IGSF11: variants seen among roughly 807,000 people sequenced by gnomAD.
IGSF11 encodes the protein immunoglobulin superfamily member 11.
In IGSF11, 22 loss-of-function variants were observed where a neutral mutation model predicts 41.0. The observed-to-expected ratio is 0.54, with a 90% confidence interval of 0.38 to 0.77. The LOEUF (loss-of-function observed/expected upper bound fraction) is 0.77. Ranked by LOEUF, IGSF11 falls within the 30% of genes least tolerant of loss-of-function variation. The pLI is 0.00. For missense variants in IGSF11, 444 were observed against 530.8 expected, an observed-to-expected ratio of 0.84 and a Z score of 1.61; for synonymous variants, 219 against 201.3, an observed-to-expected ratio of 1.09 and a Z score of -0.74.
At chr3:118,913,178 T>C (rs987696523) in intron 4 of IGSF11, among the ~76,000 whole-genome samples, 3 of 146,782 alleles carry the variant, frequency 2.0e-5, no homozygotes, top group Non-Finnish European at 3.0e-5. Flanking sequence ...AAGCAAAGGA[T>C]TAAAAAAACA....
intron 4 of IGSF11, among the ~76,000 whole-genome samples, chr3:118,924,983 T>C (rs962538687): frequency 9.2e-5 from 14 of 152,188 alleles, no homozygotes; most frequent in Admixed American, 9.2e-4. Flanking sequence ...TGACAAATCA[T>C]TCCACAAAAG....
At chr3:119,085,256 C>T (rs1329646219) in intron 1 of IGSF11, among the ~76,000 whole-genome samples, 1 of 152,158 alleles carries the variant, frequency 6.6e-6, no homozygotes, top group Non-Finnish European at 1.5e-5. Context: ...CAAGCATCAC[C>T]TACTGGATTG....
chr3:119,076,418 A>G (rs896069352), intron 1 of IGSF11, among the ~76,000 whole-genome samples: 4 of 152,230 alleles, frequency 2.6e-5, no homozygotes, highest in African/African-American at 9.6e-5. Context: ...AATGGGATCT[A>G]ATTAAGCTAA....
In IGSF11 at chr3:118,901,833, A is replaced by T. The variant is rs1938900613; in HGVS notation, c.*687T>A. On this transcript the variant is annotated 3_prime_UTR_variant, in exon 7 of 7. Coordinates refer to ENST00000393775, the MANE Select transcript of IGSF11 (RefSeq NM_001015887.3). Reference sequence around the variant, plus strand: ...TTGCCATGGACCTGTAACAGATCCTAGAATAACACAGACAGGCAAGAATCT... The same window carrying T: ...TTGCCATGGACCTGTAACAGATCCTTGAATAACACAGACAGGCAAGAATCT... 1 of 152,184 alleles carries T rather than the reference A, an allele frequency of 6.6e-6. No individual in the cohort carries two copies. The highest frequency in any genetic ancestry group is 1.5e-5 in the Non-Finnish European group (1 of 68,028). The allele number at this position is 152,184 out of a possible 1,614,324, so 9.4% of individuals were successfully genotyped here.
At chr3:118,985,561 C>T (rs1297737434) in intron 1 of IGSF11, among the ~76,000 whole-genome samples, 1 of 152,178 alleles carries the variant, frequency 6.6e-6, no homozygotes, top group East Asian at 1.9e-4. Flanking sequence ...AGAACAAATT[C>T]AATTTGTCTG....
intron 1 of IGSF11, among the ~76,000 whole-genome samples, chr3:119,103,218 C>G (rs1284460189): frequency 6.6e-6 from 1 of 152,202 alleles, no homozygotes; most frequent in Middle Eastern, 3.4e-3. Context: ...AGGATGGTCT[C>G]GATCTCCTGA....
At chr3:118,975,521 A>C (rs533250639) in intron 1 of IGSF11, among the ~76,000 whole-genome samples, 2 of 152,330 alleles carry the variant, frequency 1.3e-5, no homozygotes, top group Non-Finnish European at 2.9e-5. Flanking sequence ...GTCTCTATCC[A>C]AAACACTGTT....
chr3:118,996,314 C>T (rs1394837980), intron 1 of IGSF11, among the ~76,000 whole-genome samples: 1 of 152,206 alleles, frequency 6.6e-6, no homozygotes, highest in East Asian at 1.9e-4. Context: ...CTGGTAGCTA[C>T]TCCCACACAT....
At chr3:119,078,658 A>ATG (rs2076540767) in intron 1 of IGSF11, among the ~76,000 whole-genome samples, 1 of 152,196 alleles carries the variant, frequency 6.6e-6, no homozygotes, top group African/African-American at 2.4e-5. Context: ...AGGCCCTGGC[A>ATG]AAGATTTCAT....
At chr3:119,081,228 A>C (rs994200195) in intron 1 of IGSF11, among the ~76,000 whole-genome samples, 1 of 150,588 alleles carries the variant, frequency 6.6e-6, no homozygotes, top group Non-Finnish European at 1.5e-5. Flanking sequence ...GCTCATTTTT[A>C]TTCTCCTATT....
chr3:118,905,743 G>A (rs1939508069), intron 4 of IGSF11, 25 bp from the exon 5 acceptor site: 3 of 1,612,988 alleles, frequency 1.9e-6, no homozygotes, highest in Admixed American at 1.7e-5. Flanking sequence ...ATAACCGAGT[G>A]AGGATTTGGC....
chr3:119,063,254 T>G (rs1196318960), intron 1 of IGSF11, among the ~76,000 whole-genome samples: 1 of 152,156 alleles, frequency 6.6e-6, no homozygotes, highest in Non-Finnish European at 1.5e-5. Context: ...CAGAACAATT[T>G]GACACAATCA....
intron 1 of IGSF11, among the ~76,000 whole-genome samples, chr3:119,112,467 G>T (rs906101758): frequency 1.3e-5 from 2 of 152,150 alleles, no homozygotes; most frequent in African/African-American, 4.8e-5. Flanking sequence ...ATTTGGGTGG[G>T]AGTGACCCGA....
At position 118,911,588 on chromosome 3, in the gene IGSF11, T is replaced by A. The variant is rs545619226; in HGVS notation, c.581-5870A>T. Among the ~76,000 whole-genome samples the A allele has an allele frequency of 2.0e-5, 3 of 152,104 alleles. No individual in the cohort carries two copies. In the South Asian group the frequency reaches 6.2e-4, roughly 32 times the overall value. ...GTGAGGTTACAGTAAGCTGTCATCA[T>A]GCCACTGCACTCCAGCCTGGGTGGG... On this transcript the variant is annotated intron_variant, in intron 4 of 6. Coordinates refer to ENST00000393775, the MANE Select transcript of IGSF11 (RefSeq NM_001015887.3).
intron 1 of IGSF11, among the ~76,000 whole-genome samples, chr3:118,971,191 G>A (rs190584435): frequency 6.6e-6 from 1 of 152,312 alleles, no homozygotes; most frequent in African/African-American, 2.4e-5. Context: ...TTTATGGCAC[G>A]CTGTATTTAC....
At chr3:118,911,178 T>TA (rs1940231311) in intron 4 of IGSF11, among the ~76,000 whole-genome samples, 6 of 152,070 alleles carry the variant, frequency 3.9e-5, no homozygotes, top group African/African-American at 1.4e-4. Context: ...TTAATACAGT[T>TA]ATAACTGTTG....
chr3:119,119,577 T>C (rs1022155848), intron 1 of IGSF11, among the ~76,000 whole-genome samples: 2 of 152,190 alleles, frequency 1.3e-5, no homozygotes, highest in African/African-American at 4.8e-5. Context: ...CCATGACTCC[T>C]CCCTCTCCAG....
At chr3:119,093,488 T>C (rs547975360) in intron 1 of IGSF11, among the ~76,000 whole-genome samples, 3 of 152,288 alleles carry the variant, frequency 2.0e-5, no homozygotes, top group Admixed American at 6.5e-5. Flanking sequence ...TAAATGCCTG[T>C]ACCCAGCCAC....
intron 1 of IGSF11, among the ~76,000 whole-genome samples, chr3:119,140,704 C>T (rs961707937): frequency 3.3e-5 from 5 of 152,054 alleles, no homozygotes; most frequent in African/African-American, 1.2e-4. Flanking sequence ...CCAAGATAAA[C>T]CATATGTTAT....
Sources: gnomAD v4.1 joint callset for allele counts (sites outside exome capture counted in the v4.1 genomes callset) on GRCh38, gnomAD v4.1.1 for gene constraint, MANE v1.5 for transcripts, NCBI Gene and HGNC (gene_info 2026-07-23, HGNC 2026-07-21) for gene names.